KATNAL2: variants seen among roughly 807,000 people sequenced by gnomAD.
KATNAL2 encodes katanin p60 ATPase-containing subunit A-like 2.
In KATNAL2, 52 loss-of-function variants were observed where a neutral mutation model predicts 76.3. That is an observed-to-expected ratio of 0.68 (90% CI 0.55 to 0.86). KATNAL2 has a LOEUF of 0.86. Ranked by LOEUF, KATNAL2 falls within the 40% of genes least tolerant of loss-of-function variation. The probability of loss-of-function intolerance (pLI) is 0.00; values close to 1 mark genes in which losing one functional copy is unlikely to be tolerated. For missense variants in KATNAL2, 660 were observed against 668.9 expected, an observed-to-expected ratio of 0.99 and a Z score of 0.15; for synonymous variants, 243 against 244.2, an observed-to-expected ratio of 1.00 and a Z score of 0.05.
At position 47,069,594 on chromosome 18, in the gene KATNAL2, C is replaced by T. The variant is rs1033427635; in HGVS notation, c.1002C>T (p.Leu334=). The change falls in exon 13 of 18, where the codon CTC becomes CTT. Residue 334 remains leucine (L), a synonymous_variant. Coordinates refer to ENST00000683218, the MANE Select transcript of KATNAL2 (RefSeq NM_001387690.1). The stretch of plus-strand genomic sequence containing the variant: ...AATGGAGAGGGGATTCAGAAAAACT[C>T]GTTCGGGTAGGAATTCTTAATTTTG... The part of the protein sequence containing the change: ...VSKWRGDSEK[L]VRVLFELARY... 3.1e-6 allele frequency: 5 copies of T among 1,605,006 alleles called. No individual in the cohort carries two copies. The South Asian group carries it at 3.3e-5, about 11-fold the overall frequency.
At chr18:47,097,510 T>C (rs1336101262) in intron 15 of KATNAL2, among the ~76,000 whole-genome samples, 3 of 152,176 alleles carry the variant, frequency 2.0e-5, no homozygotes, top group African/African-American at 4.8e-5. Flanking sequence ...AGACAGGGAA[T>C]AGAGGAACCA....
At chr18:47,084,239 A>G (rs2062661385) in intron 15 of KATNAL2, 2 of 665,102 alleles carry the variant, frequency 3.0e-6, no homozygotes, top group South Asian at 1.6e-5. Flanking sequence ...ACTTCTTCCT[A>G]CATGAACCCT....
chr18:47,031,995 A>T (rs1177287113), intron 3 of KATNAL2, among the ~76,000 whole-genome samples: 1 of 152,214 alleles, frequency 6.6e-6, no homozygotes, highest in African/African-American at 2.4e-5. Flanking sequence ...AAGCTAGCAG[A>T]CGTCCGTGTG....
chr18:46,945,383 T>A (rs2059358288), intron 1 of KATNAL2, among the ~76,000 whole-genome samples: 1 of 152,214 alleles, frequency 6.6e-6, no homozygotes. Context: ...AAGTGACATT[T>A]GAGCTGTCTT....
chr18:47,068,723 G>A (rs1023542906), intron 11 of KATNAL2, among the ~76,000 whole-genome samples: 12 of 152,344 alleles, frequency 7.9e-5, no homozygotes, highest in South Asian at 2.1e-4. Context: ...CCTGTTCAGC[G>A]TTGGTGTCTC....
intron 1 of KATNAL2, among the ~76,000 whole-genome samples, chr18:46,945,614 C>A (rs1330816977): frequency 1.3e-5 from 2 of 152,166 alleles, no homozygotes; most frequent in Non-Finnish European, 2.9e-5. Context: ...AGGTTTGCAT[C>A]CTAACTCTAT....
At chr18:46,933,744 C>T (rs1029011404) in intron 1 of KATNAL2, among the ~76,000 whole-genome samples, 26 of 127,876 alleles carry the variant, frequency 2.0e-4, no homozygotes, top group African/African-American at 7.2e-4. Context: ...CACCCATTAA[C>T]TCGTCATTTA....
intron 15 of KATNAL2, among the ~76,000 whole-genome samples, chr18:47,083,374 A>T (rs2062620369): frequency 6.6e-6 from 1 of 152,220 alleles, no homozygotes; most frequent in Admixed American, 6.5e-5. Flanking sequence ...TGATCTAAAG[A>T]CCCAGTCTTA....
At chr18:47,096,156 T>C (rs2063225736) in intron 15 of KATNAL2, among the ~76,000 whole-genome samples, 1 of 152,188 alleles carries the variant, frequency 6.6e-6, no homozygotes, top group African/African-American at 2.4e-5. Flanking sequence ...TAAAGAAATC[T>C]GGTTGCTGTG....
rs1321885962 is a variant in KATNAL2 at position 47,057,326 on chromosome 18, G to T, written c.333-909G>T. Among the ~76,000 whole-genome samples, 4 of 152,196 alleles carry T rather than the reference G, an allele frequency of 2.6e-5. No homozygotes were observed. In the East Asian group the frequency reaches 7.7e-4, roughly 29 times the overall value. Reference sequence around the variant, plus strand: ...GTTCATGTTCTGCCCCCACAAGCTAGTCCTGTCTCTCTCTGGATGGCATCT... The same window carrying T: ...GTTCATGTTCTGCCCCCACAAGCTATTCCTGTCTCTCTCTGGATGGCATCT... On this transcript the variant is annotated intron_variant, in intron 6 of 17. Coordinates refer to ENST00000683218, the MANE Select transcript of KATNAL2 (RefSeq NM_001387690.1).
chr18:47,093,378 T>A (rs1045740626), intron 15 of KATNAL2, among the ~76,000 whole-genome samples: 2 of 151,336 alleles, frequency 1.3e-5, no homozygotes, highest in African/African-American at 4.9e-5. Context: ...TTCTTTGATA[T>A]CCTCCCTTCT....
At chr18:47,063,621 A>T (rs1249382390) in intron 10 of KATNAL2, among the ~76,000 whole-genome samples, 1 of 152,214 alleles carries the variant, frequency 6.6e-6, no homozygotes, top group African/African-American at 2.4e-5. Context: ...TTAGGAATGA[A>T]GGGACAGGTG....
At chr18:47,063,204 C>T in intron 9 of KATNAL2, 80 bp from the exon 10 acceptor site, 1 of 1,490,026 alleles carries the variant, frequency 6.7e-7, no homozygotes, top group South Asian at 1.2e-5. Flanking sequence ...TTTGTTTCAC[C>T]AAGACCTGTG....
chr18:46,961,257 G>A (rs1380270186), intron 3 of KATNAL2, among the ~76,000 whole-genome samples: 3 of 135,772 alleles, frequency 2.2e-5, no homozygotes, highest in African/African-American at 8.2e-5. Flanking sequence ...CTTTCCTCAC[G>A]TCTTAAAAAC....
In KATNAL2 at chr18:47,099,306, G is replaced by A. The variant is rs766298405; in HGVS notation, c.1275G>A (p.Arg425=). The A allele has an allele frequency of 1.1e-5, 18 of 1,614,058 alleles. No individual in the cohort carries two copies. In the East Asian group the frequency reaches 3.1e-4, roughly 28 times the overall value. The change falls in exon 16 of 18, where the codon CGG becomes CGA. Residue 425 remains arginine, a synonymous_variant. Coordinates refer to ENST00000683218, the MANE Select transcript of KATNAL2 (RefSeq NM_001387690.1). ...GGATTCTGGTCGATCTCCCCAGCCG[G>A]GAGGCCAGGCAGGCCATGATCTACC... ...EKRILVDLPS[R]EARQAMIYHW... is the part of the protein sequence containing the mutation.
chr18:46,965,734 C>T (rs1488556976), intron 3 of KATNAL2, among the ~76,000 whole-genome samples: 2 of 136,718 alleles, frequency 1.5e-5, no homozygotes, highest in Non-Finnish European at 3.3e-5. Flanking sequence ...TCTCCTGTGA[C>T]CAATCTTGGA....
chr18:46,920,760 A>G (rs1248630400), intron 1 of KATNAL2, among the ~76,000 whole-genome samples: 1 of 152,176 alleles, frequency 6.6e-6, no homozygotes, highest in African/African-American at 2.4e-5. Flanking sequence ...CTAGATTTAT[A>G]TATCCTCATT....
intron 1 of KATNAL2, among the ~76,000 whole-genome samples, chr18:46,920,907 T>C (rs2058501272): frequency 6.6e-6 from 1 of 152,194 alleles, no homozygotes; most frequent in Non-Finnish European, 1.5e-5. Context: ...AAAGTACCAG[T>C]GCCAGCCACA....
At chr18:47,061,325 C>T (rs1466907194) in intron 8 of KATNAL2, among the ~76,000 whole-genome samples, 2 of 152,166 alleles carry the variant, frequency 1.3e-5, no homozygotes, top group African/African-American at 4.8e-5. Flanking sequence ...TGGCGGAAGG[C>T]AAGGGGACCT....
Sources: allele counts gnomAD v4.1 joint callset (sites outside exome capture counted in the v4.1 genomes callset), GRCh38; gene constraint gnomAD v4.1.1; transcripts MANE v1.5; gene names NCBI Gene and HGNC (gene_info 2026-07-23, HGNC 2026-07-21).